The following ARK2N variants were observed in gnomAD, a reference collection of about 807,000 sequenced individuals.
ARK2N encodes protein ARK2N.
the ARK2N span, among the ~76,000 whole-genome samples, chr18:46,223,556 T>C: frequency 6.6e-6 from 1 of 152,232 alleles, no homozygotes; most frequent in Non-Finnish European, 1.5e-5. Context: ...CTTTGCATCT[T>C]CATAAAAGGC....
chr18:46,206,402 C>T, the ARK2N span, among the ~76,000 whole-genome samples: 1 of 152,122 alleles, frequency 6.6e-6, no homozygotes, highest in Non-Finnish European at 1.5e-5. Context: ...AAACTTTTTA[C>T]TCTTCCTGTA....
the ARK2N span, among the ~76,000 whole-genome samples, chr18:46,193,600 T>TG: frequency 6.2e-3 from 858 of 139,352 alleles, 18 homozygotes; most frequent in African/African-American, 0.022. Flanking sequence ...GGTTTTTTTT[T>TG]TTTTTTTTTT....
the ARK2N span, among the ~76,000 whole-genome samples, chr18:46,194,462 TTTTGTTTTTTTTTTTG>T: frequency 1.9e-4 from 28 of 150,744 alleles, no homozygotes; most frequent in Admixed American, 1.5e-3. Context: ...AGAATCTTTT[TTTTGTTTTTTTTTTTG>T]TTTGTTTTTT....
chr18:46,175,283 G>A, the ARK2N span, among the ~76,000 whole-genome samples: 1 of 152,038 alleles, frequency 6.6e-6, no homozygotes, highest in South Asian at 2.1e-4. Flanking sequence ...TTACCCAGTA[G>A]AATTAAAATC....
At chr18:46,232,358 TCCC>T in the ARK2N span, 1 of 152,152 alleles carries the variant, frequency 6.6e-6, no homozygotes, top group Non-Finnish European at 1.5e-5. Flanking sequence ...GATTTTCATC[TCCC>T]CTTTTAAAAA....
chr18:46,248,112 A>G, the ARK2N span, among the ~76,000 whole-genome samples: 1 of 152,236 alleles, frequency 6.6e-6, no homozygotes, highest in Non-Finnish European at 1.5e-5. Flanking sequence ...AGTAACAGTC[A>G]TGGAGTCAGT....
the ARK2N span, among the ~76,000 whole-genome samples, chr18:46,255,382 G>T: frequency 6.7e-6 from 1 of 150,274 alleles, no homozygotes; most frequent in African/African-American, 2.5e-5. Context: ...ATGCCTGTAC[G>T]GCTGCTTCAG....
chr18:46,186,858 CT>C, the ARK2N span, among the ~76,000 whole-genome samples: 2,147 of 129,694 alleles, frequency 0.017, 21 homozygotes, highest in South Asian at 0.034. Flanking sequence ...CTTACTACTA[CT>C]TTTTTTTTTT....
the ARK2N span, among the ~76,000 whole-genome samples, chr18:46,211,707 T>C: frequency 1.3e-5 from 2 of 152,102 alleles, no homozygotes; most frequent in Admixed American, 6.5e-5. Context: ...CTAGTACTCA[T>C]GTAGAGGAGG....
At chr18:46,199,928 G>T in the ARK2N span, among the ~76,000 whole-genome samples, 1 of 152,252 alleles carries the variant, frequency 6.6e-6, no homozygotes, top group Admixed American at 6.5e-5. Context: ...ACTTAAGCTT[G>T]TGTGTGTGAT....
the ARK2N span, among the ~76,000 whole-genome samples, chr18:46,202,111 A>G: frequency 1.3e-5 from 2 of 152,032 alleles, no homozygotes; most frequent in African/African-American, 2.4e-5. Flanking sequence ...CCCTGGCCTA[A>G]AGCTTAATCT....
At chr18:46,210,083 A>G in the ARK2N span, among the ~76,000 whole-genome samples, 1 of 152,228 alleles carries the variant, frequency 6.6e-6, no homozygotes, top group Non-Finnish European at 1.5e-5. Flanking sequence ...CATAAAGAGA[A>G]CATATTTACC....
the ARK2N span, among the ~76,000 whole-genome samples, chr18:46,202,003 C>T: frequency 6.6e-6 from 1 of 152,108 alleles, no homozygotes; most frequent in African/African-American, 2.4e-5. Context: ...GTCTCGAACT[C>T]CTGACCTCAG....
the ARK2N span, among the ~76,000 whole-genome samples, chr18:46,230,900 T>C: frequency 6.6e-6 from 1 of 152,228 alleles, no homozygotes. Context: ...TCACTAAAGG[T>C]AAATGTGTTT....
the ARK2N span, among the ~76,000 whole-genome samples, chr18:46,201,918 C>T: frequency 6.6e-6 from 1 of 151,986 alleles, no homozygotes; most frequent in African/African-American, 2.4e-5. Flanking sequence ...GCTGGGATTA[C>T]AGGCGGGCGC....
At chr18:46,238,480 A>G in the ARK2N span, among the ~76,000 whole-genome samples, 2 of 152,048 alleles carry the variant, frequency 1.3e-5, no homozygotes, top group African/African-American at 4.8e-5. Flanking sequence ...AACACGAATC[A>G]TTTTCTTGCT....
chr18:46,216,235 C>G, the ARK2N span: 1 of 1,613,922 alleles, frequency 6.2e-7, no homozygotes, highest in Admixed American at 1.7e-5. This position sits in a 1 kb window ranked among gnomAD's most constrained non-coding sequence, Gnocchi z 4.3. Flanking sequence ...TGAACCCTCT[C>G]AGGCAGAAAC....
chr18:46,225,682 G>A, the ARK2N span, among the ~76,000 whole-genome samples: 4 of 152,146 alleles, frequency 2.6e-5, no homozygotes, highest in East Asian at 1.9e-4. Context: ...AGCTGGTCTC[G>A]AACTCCTGAC....
chr18:46,227,578 T>A, the ARK2N span, among the ~76,000 whole-genome samples: 1 of 152,132 alleles, frequency 6.6e-6, no homozygotes, highest in African/African-American at 2.4e-5. Context: ...TATATACATA[T>A]GACTAGAGGT....
Sources: allele counts gnomAD v4.1 joint callset (sites outside exome capture counted in the v4.1 genomes callset), GRCh38; gene constraint gnomAD v4.1.1; non-coding constraint Gnocchi (gnomAD v3.1); transcripts MANE v1.5; gene names NCBI Gene and HGNC (gene_info 2026-07-23, HGNC 2026-07-21).